The following PPP1R16A variants were observed in gnomAD, a reference collection of about 807,000 sequenced individuals.
PPP1R16A encodes the protein protein phosphatase 1 regulatory subunit 16A.
A neutral mutation model predicts 46.6 loss-of-function variants in PPP1R16A; 39 were observed. That is an observed-to-expected ratio of 0.84 (90% CI 0.65 to 1.09). The LOEUF (loss-of-function observed/expected upper bound fraction) is 1.09, where lower values mean the gene tolerates loss of function less well. Among genes scored for constraint, PPP1R16A ranks in the 50% least tolerant of loss-of-function variants. The probability of loss-of-function intolerance (pLI) is 0.00; values close to 1 mark genes in which losing one functional copy is unlikely to be tolerated. For missense variants in PPP1R16A, 798 were observed against 735.6 expected, an observed-to-expected ratio of 1.08 and a Z score of -0.98; for synonymous variants, 413 against 321.5, an observed-to-expected ratio of 1.28 and a Z score of -3.04.
At chr8:144,485,498 C>T (rs1382919888) in intron 1 of PPP1R16A, among the ~76,000 whole-genome samples, 2 of 148,344 alleles carry the variant, frequency 1.3e-5, no homozygotes, top group Non-Finnish European at 3.0e-5. Flanking sequence ...CACTGCAGCC[C>T]GGGCAACAGA....
intron 1 of PPP1R16A, among the ~76,000 whole-genome samples, chr8:144,489,035 C>G (rs1318260374): frequency 6.6e-6 from 1 of 151,218 alleles, no homozygotes; most frequent in South Asian, 2.1e-4. Context: ...GAAACCCGCT[C>G]TCTACTAAAA....
intron 2 of PPP1R16A, among the ~76,000 whole-genome samples, chr8:144,492,392 G>A (rs1586746937): frequency 6.7e-6 from 1 of 148,236 alleles, no homozygotes; most frequent in African/African-American, 2.5e-5. Context: ...CTGGGGTGCA[G>A]TGGTGCGATC....
In PPP1R16A at chr8:144,501,512, G is replaced by T; in HGVS notation, c.1204-8G>T. ...TCCTGATGGCTCTGGGACCTTCACT[G>T]CCCGCAGGAGGACAACCCCGAAGTG... On this transcript the variant is annotated splice_polypyrimidine_tract_variant and splice_region_variant and intron_variant, in intron 11 of 11. Transcript: ENST00000435887. The T allele has an allele frequency of 1.3e-6, 2 of 1,535,156 alleles. No individual in the cohort carries two copies. The highest frequency in any genetic ancestry group is 2.5e-5 in the South Asian group (2 of 80,078).
At chr8:144,500,041 G>A in intron 5 of PPP1R16A, 55 bp from the exon 6 acceptor site, 1 of 1,541,870 alleles carries the variant, frequency 6.5e-7, no homozygotes, top group African/African-American at 1.4e-5. Flanking sequence ...CAAGTGAGGA[G>A]CCTGGCAAGC....
At chr8:144,497,528 AGGCTGG>A in intron 3 of PPP1R16A, 75 bp downstream of exon 3, 2 of 1,591,400 alleles carry the variant, frequency 1.3e-6, no homozygotes, top group Non-Finnish European at 1.7e-6. Context: ...TCTCATGCCA[AGGCTGG>A]GGGCTGGGCC....
intron 11 of PPP1R16A, 58 bp from the exon 12 acceptor site, chr8:144,501,462 C>G (rs1401306261): frequency 6.7e-7 from 1 of 1,487,116 alleles, no homozygotes; most frequent in Non-Finnish European, 9.0e-7. Flanking sequence ...AGCCTGAACC[C>G]AAGGCCAGGG....
intron 1 of PPP1R16A, among the ~76,000 whole-genome samples, chr8:144,484,425 GGT>G (rs1825561944): frequency 6.6e-6 from 1 of 152,214 alleles, no homozygotes; most frequent in Non-Finnish European, 1.5e-5. Context: ...CTTCTAGAAA[GGT>G]GTGATTTGCA....
At chr8:144,498,166 A>T (rs2130481775) in intron 3 of PPP1R16A, 3 of 439,958 alleles carry the variant, frequency 6.8e-6, no homozygotes, top group Non-Finnish European at 1.4e-5. Context: ...GGAGGCCTGG[A>T]GGCAGAGGGA....
chr8:144,494,070 G>A (rs1825931968), intron 2 of PPP1R16A, among the ~76,000 whole-genome samples: 1 of 152,148 alleles, frequency 6.6e-6, no homozygotes, highest in Admixed American at 6.5e-5. Flanking sequence ...TCTTCTGTAG[G>A]ACATGGGCAA....
At chr8:144,478,407 G>T in intron 1 of PPP1R16A, 1 of 322,868 alleles carries the variant, frequency 3.1e-6, no homozygotes. Context: ...CACAGGTCCC[G>T]CCGGGCCGCC....
Position 144,501,931 on chromosome 8 carries a change from G to A in PPP1R16A, c.*28G>A. The A allele has an allele frequency of 6.7e-7, 1 of 1,489,076 alleles. No homozygotes were observed. The highest frequency in any genetic ancestry group is 8.9e-7 in the Non-Finnish European group (1 of 1,120,842). 92.2% of individuals were successfully genotyped at this position (1,489,076 alleles called of 1,614,324 possible). On this transcript the variant is annotated 3_prime_UTR_variant, in exon 12 of 12. Coordinates refer to ENST00000435887, the MANE Select transcript of PPP1R16A (RefSeq NM_001329443.2). ...CTGTTGCTCAGCATGCAGGGGCCCTGTCGCGGGCACAGCCCAAGGCTGCCT... is the reference window on the plus strand; with the variant it reads ...CTGTTGCTCAGCATGCAGGGGCCCTATCGCGGGCACAGCCCAAGGCTGCCT...
chr8:144,498,099 A>G, intron 3 of PPP1R16A: 1 of 456,192 alleles, frequency 2.2e-6, no homozygotes, highest in East Asian at 6.9e-5. Context: ...AGCAGAGAGT[A>G]AAGAGGAGCC....
rs530433732 is a variant in PPP1R16A, at chr8:144,501,627, C to G, written c.1311C>G (p.Ser437Arg). 6.2e-7 allele frequency: 1 copy of G among 1,610,514 alleles called. No homozygotes were observed. Among genetic ancestry groups the G allele is most frequent in the Admixed American group, 1.7e-5 (1 of 59,798 alleles). ...ACCGGAGTGTCTCCTACCAGCTGAG[C>G]CCCCTGGACAGCACCACCCCCCACA... is the stretch of plus-strand genomic sequence containing the variant. ...RLDRSVSYQL[S>R]PLDSTTPHTL... The change falls in exon 12 of 12, where the codon AGC becomes AGG. Residue 437 changes from serine to arginine, a missense_variant. Transcript: ENST00000435887.
At chr8:144,482,693 C>T (rs1369624808) in intron 1 of PPP1R16A, among the ~76,000 whole-genome samples, 26 of 145,068 alleles carry the variant, frequency 1.8e-4, no homozygotes, top group Admixed American at 1.7e-3. Flanking sequence ...CTCACTCTAT[C>T]GCCAGGCTAG....
chr8:144,485,733 T>C (rs1446617291), intron 1 of PPP1R16A, among the ~76,000 whole-genome samples: 2 of 152,036 alleles, frequency 1.3e-5, no homozygotes, highest in Non-Finnish European at 2.9e-5. Context: ...GTGTGTGTGG[T>C]TTAGTTCTGC....
Position 144,501,844 on chromosome 8 carries a change from C to G in PPP1R16A, c.1528C>G (p.Leu510Val), listed in dbSNP as rs1289139759. The G allele has an allele frequency of 6.5e-7, 1 of 1,549,036 alleles. No individual in the cohort carries two copies. The highest frequency in any genetic ancestry group is 1.2e-5 in the South Asian group (1 of 84,286). The stretch of plus-strand genomic sequence containing the variant: ...AGGCGGGGACCCACCCCTGCTCAAG[C>G]TCACAGCCCCGGCGGTGGAGGCTCC... The part of the protein sequence containing the change: ...RAGGDPPLLK[L>V]TAPAVEAPVE... The change falls in exon 12 of 12, where the codon CTC (leucine) becomes GTC (valine). Residue 510 changes from leucine (L) to valine (V), a missense_variant. Transcript: ENST00000435887.
At chr8:144,481,093 T>C (rs557483502) in intron 1 of PPP1R16A, among the ~76,000 whole-genome samples, 1 of 151,052 alleles carries the variant, frequency 6.6e-6, no homozygotes, top group South Asian at 2.1e-4. Flanking sequence ...GGTTTCACCA[T>C]GTTAGCCAGG....
chr8:144,482,971 C>T (rs1305383896), intron 1 of PPP1R16A, among the ~76,000 whole-genome samples: 4 of 151,206 alleles, frequency 2.6e-5, no homozygotes, highest in South Asian at 2.1e-4. Flanking sequence ...TTAGTAGAGA[C>T]GGGTTTTTGC....
At chr8:144,492,918 A>T (rs900026735) in intron 2 of PPP1R16A, among the ~76,000 whole-genome samples, 1 of 152,068 alleles carries the variant, frequency 6.6e-6, no homozygotes, top group African/African-American at 2.4e-5. Context: ...TCGTCGCACC[A>T]TGGACACTGG....
Sources: allele counts gnomAD v4.1 joint callset (sites outside exome capture counted in the v4.1 genomes callset), GRCh38; gene constraint gnomAD v4.1.1; transcripts MANE v1.5; gene names NCBI Gene and HGNC (gene_info 2026-07-23, HGNC 2026-07-21).